The following SDC2 variants were observed in gnomAD, a reference collection of about 807,000 sequenced individuals.
The protein encoded by SDC2 is syndecan-2.
In SDC2, 13 loss-of-function variants were observed where a neutral mutation model predicts 22.2. That is an observed-to-expected ratio of 0.59 (90% confidence interval 0.38 to 0.93). The LOEUF (loss-of-function observed/expected upper bound fraction) is 0.93, where lower values mean the gene tolerates loss of function less well. Ranked by LOEUF, SDC2 falls within the 40% of genes least tolerant of loss-of-function variation. SDC2 has a pLI of 0.00. For synonymous variants in SDC2, 94 were observed against 92.8 expected (o/e 1.01, Z -0.07); for missense variants, 235 against 246.8 (o/e 0.95, Z 0.32).
intron 1 of SDC2, among the ~76,000 whole-genome samples, chr8:96,539,617 G>A (rs80137527): frequency 0.05 from 7,563 of 152,300 alleles, 578 homozygotes; most frequent in East Asian, 0.32. Flanking sequence ...AGGAAATGTA[G>A]GAAATGATGC....
intron 1 of SDC2, among the ~76,000 whole-genome samples, chr8:96,586,233 T>C (rs1431216588): frequency 2.0e-5 from 3 of 152,330 alleles, no homozygotes; most frequent in Non-Finnish European, 1.5e-5. Context: ...TAAGAGAACA[T>C]TGATCTGTTT....
intron 1 of SDC2, among the ~76,000 whole-genome samples, chr8:96,535,895 T>G (rs545563898): frequency 4.6e-5 from 7 of 152,108 alleles, no homozygotes; most frequent in Non-Finnish European, 8.8e-5. Flanking sequence ...AAAAAGATGG[T>G]CAGACCAGTT....
rs145604246 is a variant in SDC2 at position 96,537,092 on chromosome 8, T to C, written c.60+42761T>C. Among the ~76,000 whole-genome samples the C allele has an allele frequency of 1.9e-3, 283 of 152,314 alleles. 1 individual carries two copies. Among genetic ancestry groups the C allele is most frequent in the African/African-American group, 6.6e-3 (276 of 41,562 alleles). ...AGTACCTTCTAATATTGGTGCATTA[T>C]CAGTACCTTTGTGTGTAGGGGGTCT... On this transcript the variant is annotated intron_variant, in intron 1 of 4. Coordinates refer to ENST00000302190, the MANE Select transcript of SDC2 (RefSeq NM_002998.4).
At chr8:96,577,187 A>G (rs145057980) in intron 1 of SDC2, among the ~76,000 whole-genome samples, 3,488 of 152,346 alleles carry the variant, frequency 0.023, 70 homozygotes, top group Middle Eastern at 0.11. Context: ...TGGGCTACTT[A>G]TAACTTCCAG....
intron 2 of SDC2, among the ~76,000 whole-genome samples, chr8:96,596,120 G>T (rs960528822): frequency 6.6e-6 from 1 of 152,142 alleles, no homozygotes; most frequent in East Asian, 1.9e-4. Flanking sequence ...TGATTCCCAC[G>T]AGAAAACCTG....
intron 1 of SDC2, among the ~76,000 whole-genome samples, chr8:96,515,322 G>C (rs1563644459): frequency 6.6e-6 from 1 of 152,008 alleles, no homozygotes; most frequent in Non-Finnish European, 1.5e-5. Context: ...CAACTAAATT[G>C]GTTACAGTTG....
intron 3 of SDC2, among the ~76,000 whole-genome samples, 188 bp downstream of exon 3, chr8:96,602,716 G>C (rs775877641): frequency 2.6e-4 from 39 of 152,162 alleles, no homozygotes; most frequent in Non-Finnish European, 4.7e-4. Flanking sequence ...TCTTCAGGTG[G>C]TGTTATAAAT....
chr8:96,526,726 C>T (rs889067277), intron 1 of SDC2, among the ~76,000 whole-genome samples: 30 of 151,970 alleles, frequency 2.0e-4, no homozygotes, highest in African/African-American at 6.8e-4. Flanking sequence ...AAAGACCAAG[C>T]GTTGAAGGGT....
intron 1 of SDC2, among the ~76,000 whole-genome samples, chr8:96,521,705 G>A (rs934670429): frequency 6.6e-6 from 1 of 152,194 alleles, no homozygotes; most frequent in Non-Finnish European, 1.5e-5. Flanking sequence ...TTGCTTTGCG[G>A]TTGTAACAAG....
At chr8:96,533,682 T>C (rs2130491994) in intron 1 of SDC2, among the ~76,000 whole-genome samples, 1 of 150,170 alleles carries the variant, frequency 6.7e-6, no homozygotes, top group African/African-American at 2.5e-5. Context: ...TTTACAAACC[T>C]TGAGCTAGAC....
chr8:96,589,356 AAGAACTTTTTTCC>A, intron 1 of SDC2, among the ~76,000 whole-genome samples: 1 of 152,096 alleles, frequency 6.6e-6, no homozygotes, highest in Admixed American at 6.5e-5. Flanking sequence ...CCACTTGGTA[AAGAACTTTTTTCC>A]AGGCTAAGGA....
At chr8:96,567,732 C>T (rs755667507) in intron 1 of SDC2, among the ~76,000 whole-genome samples, 9 of 152,172 alleles carry the variant, frequency 5.9e-5, no homozygotes, top group South Asian at 2.1e-4. Context: ...AGAATAATTT[C>T]GTTGTCATAG....
chr8:96,532,090 C>T (rs1813671128), intron 1 of SDC2, among the ~76,000 whole-genome samples: 1 of 152,168 alleles, frequency 6.6e-6, no homozygotes, highest in South Asian at 2.1e-4. Context: ...GAAGGACAGG[C>T]TGCCTACCTG....
intron 1 of SDC2, among the ~76,000 whole-genome samples, chr8:96,530,889 G>A (rs1586282948): frequency 6.6e-6 from 1 of 152,204 alleles, no homozygotes. Flanking sequence ...GCGGAGCTAA[G>A]ATGGACCTCA....
intron 2 of SDC2, among the ~76,000 whole-genome samples, chr8:96,600,716 G>A (rs182309804): frequency 2.6e-5 from 4 of 152,322 alleles, no homozygotes; most frequent in East Asian, 3.9e-4. Context: ...GAGTTCTGGT[G>A]TGTAGGAACA....
chr8:96,533,325 C>T (rs1259621549), intron 1 of SDC2, among the ~76,000 whole-genome samples: 1 of 152,186 alleles, frequency 6.6e-6, no homozygotes, highest in African/African-American at 2.4e-5. Flanking sequence ...GTCCATTTTA[C>T]AGAAAGCTGA....
At chr8:96,576,051 A>G (rs1814483215) in intron 1 of SDC2, among the ~76,000 whole-genome samples, 1 of 152,258 alleles carries the variant, frequency 6.6e-6, no homozygotes, top group African/African-American at 2.4e-5. Flanking sequence ...TTCTCCTAGA[A>G]TATTATGTGG....
intron 1 of SDC2, among the ~76,000 whole-genome samples, chr8:96,521,582 A>C (rs1813498149): frequency 6.6e-6 from 1 of 152,216 alleles, no homozygotes; most frequent in Non-Finnish European, 1.5e-5. Flanking sequence ...CTTTGAGCCT[A>C]AGGCTGTCCA....
intron 1 of SDC2, among the ~76,000 whole-genome samples, chr8:96,573,078 T>G (rs1373305043): frequency 6.6e-6 from 1 of 152,240 alleles, no homozygotes; most frequent in Admixed American, 6.5e-5. Flanking sequence ...AAAGATCAGA[T>G]GCATCTGCAT....
Sources: gnomAD v4.1 joint callset for allele counts (sites outside exome capture counted in the v4.1 genomes callset) on GRCh38, gnomAD v4.1.1 for gene constraint, MANE v1.5 for transcripts, NCBI Gene and HGNC (gene_info 2026-07-23, HGNC 2026-07-21) for gene names.